The following DCLK3 variants were observed in gnomAD, a reference collection of about 807,000 sequenced individuals.
The protein encoded by DCLK3 is serine/threonine-protein kinase DCLK3.
DCLK3 carries 30 observed loss-of-function variants against 46.4 expected under a neutral mutation model. That is an observed-to-expected ratio of 0.65 (90% CI 0.48 to 0.88). The LOEUF (loss-of-function observed/expected upper bound fraction) is 0.88, where lower values mean the gene tolerates loss of function less well. Ranked by LOEUF, DCLK3 falls within the 40% of genes least tolerant of loss-of-function variation. The pLI is 0.00. For synonymous variants in DCLK3, 401 were observed against 339.2 expected, an observed-to-expected ratio of 1.18 and a Z score of -2.00; for missense variants, 846 against 907.1, an observed-to-expected ratio of 0.93 and a Z score of 0.87.
At chr3:36,723,505 A>G (rs998885830) in intron 2 of DCLK3, among the ~76,000 whole-genome samples, 2 of 152,184 alleles carry the variant, frequency 1.3e-5, no homozygotes, top group Non-Finnish European at 2.9e-5. Flanking sequence ...ATCCTATCAC[A>G]GGTGTAGAGA....
At chr3:36,730,229 A>AC in intron 2 of DCLK3, among the ~76,000 whole-genome samples, 2 of 143,424 alleles carry the variant, frequency 1.4e-5, no homozygotes, top group East Asian at 4.0e-4. Context: ...CACACACACA[A>AC]ACACATAAAC....
intron 1 of DCLK3, among the ~76,000 whole-genome samples, chr3:36,739,523 T>A (rs1385678560): frequency 6.6e-6 from 1 of 152,224 alleles, no homozygotes; most frequent in Non-Finnish European, 1.5e-5. Context: ...GATGGTTACA[T>A]CAGGGGTTTC....
At chr3:36,734,006 A>G (rs1701229771) in intron 2 of DCLK3, among the ~76,000 whole-genome samples, 1 of 152,250 alleles carries the variant, frequency 6.6e-6, no homozygotes, top group African/African-American at 2.4e-5. Context: ...TAATGGACAC[A>G]GCAGCCATCC....
intron 3 of DCLK3, among the ~76,000 whole-genome samples, chr3:36,720,853 T>A (rs770617000): frequency 6.6e-6 from 1 of 152,150 alleles, no homozygotes; most frequent in African/African-American, 2.4e-5. Context: ...TGGGAAACTA[T>A]CCGTCCATCC....
chr3:36,744,763 C>T (rs1701379344), intron 1 of DCLK3, among the ~76,000 whole-genome samples: 1 of 152,208 alleles, frequency 6.6e-6, no homozygotes, highest in Admixed American at 6.5e-5. Flanking sequence ...CAGCAGGATG[C>T]ATTTGTCATT....
chr3:36,724,923 G>T (rs1190504356), intron 2 of DCLK3, among the ~76,000 whole-genome samples: 1 of 151,994 alleles, frequency 6.6e-6, no homozygotes, highest in East Asian at 1.9e-4. Context: ...AAACAGGCCA[G>T]GAGTCTTTGA....
rs561669121 is a variant in DCLK3 at position 36,737,265 on chromosome 3, G to A, written c.1902C>T (p.Leu634=). 1.3e-5 allele frequency: 21 copies of A among 1,614,170 alleles called. No individual in the cohort carries two copies. In the East Asian group the frequency reaches 2.9e-4, roughly 22 times the overall value. ...ALMIMDLCKA[L]VHMHDKSIVH... is the part of the protein sequence containing the mutation. ...CAATGCTCTTGTCGTGCATGTGGAC[G>A]AGGGCTTTGCATAAGTCCATGATCA... The change falls in exon 2 of 5, where the codon CTC becomes CTT. Residue 634 remains leucine, a synonymous_variant. Coordinates refer to ENST00000636136, the MANE Select transcript of DCLK3 (RefSeq NM_001394672.2). This position sits in a 1 kb window ranked among gnomAD's most constrained non-coding sequence, Gnocchi z 4.4.
rs148004965 is a variant in DCLK3, at chr3:36,756,728, G to A, written c.82+7454C>T. The stretch of plus-strand genomic sequence containing the variant: ...GAGACCCAAAGATACTTCCTGTAGG[G>A]TGCCTTGGACTAGCTTGTGGGTATG... On this transcript the variant is annotated intron_variant, in intron 1 of 4. Coordinates refer to ENST00000636136, the MANE Select transcript of DCLK3 (RefSeq NM_001394672.2). Among the ~76,000 whole-genome samples the A allele has an allele frequency of 1.5e-3, 228 of 152,232 alleles. 1 individual carries two copies. The highest frequency in any genetic ancestry group is 5.3e-3 in the African/African-American group (219 of 41,556).
chr3:36,728,472 C>T (rs1670500266), intron 2 of DCLK3, among the ~76,000 whole-genome samples: 1 of 152,124 alleles, frequency 6.6e-6, no homozygotes, highest in Non-Finnish European at 1.5e-5. Flanking sequence ...AGCATCCAGC[C>T]GGCTGGGGGC....
chr3:36,729,096 G>C (rs1166716730), intron 2 of DCLK3, among the ~76,000 whole-genome samples: 1 of 152,178 alleles, frequency 6.6e-6, no homozygotes, highest in African/African-American at 2.4e-5. Flanking sequence ...CCACACACCA[G>C]GTGTGATTCG....
At position 36,735,520 on chromosome 3, in the gene DCLK3, C is replaced by T. The variant is rs569968753; in HGVS notation, c.1959+1688G>A. Among the ~76,000 whole-genome samples, 4 of 152,326 alleles carry T rather than the reference C, an allele frequency of 2.6e-5. No individual in the cohort carries two copies. The South Asian group carries it at 6.2e-4, about 24-fold the overall frequency. ...TTAGCTTGACTCACTCAGTGTTTCA[C>T]CTGCTTGTGAGACCAGTTTACAGAC... On this transcript the variant is annotated intron_variant, in intron 2 of 4. Coordinates refer to ENST00000636136, the MANE Select transcript of DCLK3 (RefSeq NM_001394672.2).
chr3:36,741,422 C>G (rs1272266291), intron 1 of DCLK3, among the ~76,000 whole-genome samples: 1 of 152,110 alleles, frequency 6.6e-6, no homozygotes, highest in Non-Finnish European at 1.5e-5. Flanking sequence ...GAGGCTTTTC[C>G]AAGCAGATGT....
chr3:36,737,090 A>T lies in DCLK3; in HGVS notation c.1959+118T>A. 7.6e-7 allele frequency: 1 copy of T among 1,318,498 alleles called. No individual in the cohort carries two copies. Among genetic ancestry groups the T allele is most frequent in the East Asian group, 2.5e-5 (1 of 39,588 alleles). 81.7% of individuals were successfully genotyped at this position (1,318,498 alleles called of 1,614,324 possible). On this transcript the variant is annotated intron_variant, in intron 2 of 4. Coordinates refer to ENST00000636136, the MANE Select transcript of DCLK3 (RefSeq NM_001394672.2). This position sits in a 1 kb window ranked among gnomAD's most constrained non-coding sequence, Gnocchi z 4.4. ...TTAAATACTGGAACAAGTATGTTAT[A>T]ATAACATAAAAGTAAAATTCTAGTG...
rs1420174442 is a variant in DCLK3 at position 36,712,758 on chromosome 3, T to C, written c.*2570A>G. 2 of 152,238 alleles carry C rather than the reference T, an allele frequency of 1.3e-5. No individual in the cohort carries two copies. Among genetic ancestry groups the C allele is most frequent in the African/African-American group, 4.8e-5 (2 of 41,466 alleles). The allele number at this position is 152,238 out of a possible 1,614,324, so 9.4% of individuals were successfully genotyped here. A position where few individuals can be genotyped will look rare whatever the true frequency, so the allele number is the denominator to read the frequency against. ...TAATTCTTTGGCAGTCCATCCATGT[T>C]GTTCGTGTATGAATAGTTCATCCCT... On this transcript the variant is annotated 3_prime_UTR_variant, in exon 5 of 5. Transcript: ENST00000636136.
chr3:36,746,680 A>G (rs975898368), intron 1 of DCLK3, among the ~76,000 whole-genome samples: 1 of 152,232 alleles, frequency 6.6e-6, no homozygotes, highest in Non-Finnish European at 1.5e-5. Context: ...CATGACAACA[A>G]AGAGGACTAA....
intron 1 of DCLK3, among the ~76,000 whole-genome samples, chr3:36,759,744 C>A (rs1307901832): frequency 2.6e-5 from 4 of 152,330 alleles, no homozygotes; most frequent in Non-Finnish European, 5.9e-5. Context: ...ATTCCACACA[C>A]TCTTCTGCCC....
At position 36,721,515 on chromosome 3, in the gene DCLK3, T is replaced by C. The variant is rs78566100; in HGVS notation, c.2092+12A>G. 1.5e-5 allele frequency: 25 copies of C among 1,613,890 alleles called. No homozygotes were observed. In the African/African-American group the frequency reaches 3.2e-4, roughly 21 times the overall value. Reference sequence around the variant, plus strand: ...GGAACTAGAGTCCCACAGATCGATGTGTAACACTTACCTTTCTCAGAAAGA... The same window carrying C: ...GGAACTAGAGTCCCACAGATCGATGCGTAACACTTACCTTTCTCAGAAAGA... On this transcript the variant is annotated intron_variant, in intron 3 of 4. Transcript: ENST00000636136.
intron 1 of DCLK3, among the ~76,000 whole-genome samples, chr3:36,755,767 A>G (rs933385773): frequency 1.3e-5 from 2 of 152,140 alleles, no homozygotes; most frequent in Non-Finnish European, 2.9e-5. Flanking sequence ...TATCAGATAG[A>G]TAGGTGCCCC....
chr3:36,761,085 A>G (rs1701535618), intron 1 of DCLK3, among the ~76,000 whole-genome samples: 1 of 152,182 alleles, frequency 6.6e-6, no homozygotes, highest in South Asian at 2.1e-4. Context: ...AACCAGCCCA[A>G]GCAGCTCTGG....
Sources: gnomAD v4.1 joint callset for allele counts (sites outside exome capture counted in the v4.1 genomes callset) on GRCh38, gnomAD v4.1.1 for gene constraint, Gnocchi (gnomAD v3.1) non-coding constraint, MANE v1.5 for transcripts, NCBI Gene and HGNC (gene_info 2026-07-23, HGNC 2026-07-21) for gene names.